Variants in FANCC observed in about 807,000 individuals in gnomAD.
FANCC encodes the protein FA complementation group C.
FANCC carries 55 observed loss-of-function variants against 71.3 expected under a neutral mutation model. The observed-to-expected ratio is 0.77, with a 90% CI of 0.62 to 0.97. The LOEUF (loss-of-function observed/expected upper bound fraction) is 0.97. Ranked by LOEUF, FANCC falls within the 50% of genes least tolerant of loss-of-function variation. The probability of loss-of-function intolerance (pLI) is 0.00; values close to 1 mark genes in which losing one functional copy is unlikely to be tolerated. For synonymous variants in FANCC, 275 were observed against 244.9 expected (o/e 1.12, Z -1.15); for missense variants, 678 against 670.9 (o/e 1.01, Z -0.12).
intron 1 of FANCC, among the ~76,000 whole-genome samples, chr9:95,263,924 G>C (rs1484821900): frequency 6.6e-6 from 1 of 152,114 alleles, no homozygotes; most frequent in African/African-American, 2.4e-5. Context: ...AGGTTTCTCA[G>C]TTTTCCTCAG....
At chr9:95,174,833 C>T (rs1212903706) in intron 4 of FANCC, among the ~76,000 whole-genome samples, 1 of 151,886 alleles carries the variant, frequency 6.6e-6, no homozygotes, top group Non-Finnish European at 1.5e-5. Context: ...GCTCCATAGA[C>T]CCGGGACGAC....
At chr9:95,162,026 G>C (rs1037009095) in intron 6 of FANCC, among the ~76,000 whole-genome samples, 22 of 152,068 alleles carry the variant, frequency 1.4e-4, no homozygotes, top group Admixed American at 9.8e-4. Context: ...ATTTTTAGTA[G>C]AGATGGAGTT....
chr9:95,154,459 G>A (rs1460282970), intron 6 of FANCC, among the ~76,000 whole-genome samples: 1 of 152,032 alleles, frequency 6.6e-6, no homozygotes, highest in Non-Finnish European at 1.5e-5. Context: ...CTGTGAATTT[G>A]TACAGAAATG....
intron 7 of FANCC, 28 bp from the exon 8 acceptor site, chr9:95,135,530 A>T: frequency 6.2e-7 from 1 of 1,607,304 alleles, no homozygotes; most frequent in Non-Finnish European, 8.5e-7. Flanking sequence ...ACAAAATTTT[A>T]AACAGAAATG....
chr9:95,197,116 A>T (rs1029465180), intron 4 of FANCC, among the ~76,000 whole-genome samples: 1 of 152,172 alleles, frequency 6.6e-6, no homozygotes, highest in Non-Finnish European at 1.5e-5. Flanking sequence ...TGAGTACCTG[A>T]TGAAAGTTGT....
intron 4 of FANCC, among the ~76,000 whole-genome samples, chr9:95,203,664 G>A (rs911966523): frequency 6.6e-6 from 1 of 151,908 alleles, no homozygotes; most frequent in African/African-American, 2.4e-5. Context: ...TATTTATCTA[G>A]TAATTAATAT....
Position 95,099,417 on chromosome 9 carries a change from G to C in FANCC, c.*2290C>G, listed in dbSNP as rs1459361547. The C allele has an allele frequency of 8.8e-6, 2 of 226,886 alleles. No homozygotes were observed. The highest frequency in any genetic ancestry group is 1.7e-5 in the Non-Finnish European group (2 of 114,882). 14.1% of individuals were successfully genotyped at this position (226,886 alleles called of 1,614,324 possible). ...GCCCAGGCCCCGCCAACGCCGTCAAGGCCCCCTCGGCCACGCCGCGTCCCC... is the reference window on the plus strand; with the variant it reads ...GCCCAGGCCCCGCCAACGCCGTCAACGCCCCCTCGGCCACGCCGCGTCCCC... On this transcript the variant is annotated 3_prime_UTR_variant, in exon 15 of 15. Coordinates refer to ENST00000289081, the MANE Select transcript of FANCC (RefSeq NM_000136.3).
At chr9:95,228,281 C>T (rs1007446259) in intron 4 of FANCC, among the ~76,000 whole-genome samples, 1 of 152,148 alleles carries the variant, frequency 6.6e-6, no homozygotes, top group Non-Finnish European at 1.5e-5. Context: ...TTGCCTCACA[C>T]CATTAATTTA....
intron 4 of FANCC, among the ~76,000 whole-genome samples, chr9:95,222,140 G>A (rs1243724615): frequency 7.7e-6 from 1 of 129,882 alleles, no homozygotes; most frequent in Non-Finnish European, 1.5e-5. Flanking sequence ...TCCAGCCTGA[G>A]CAGCAGAGCA....
At chr9:95,299,382 T>C (rs1231331514) in intron 1 of FANCC, among the ~76,000 whole-genome samples, 1 of 152,238 alleles carries the variant, frequency 6.6e-6, no homozygotes, top group Non-Finnish European at 1.5e-5. Flanking sequence ...GTGACTCTAT[T>C]GCTAGATACC....
intron 6 of FANCC, among the ~76,000 whole-genome samples, chr9:95,165,279 T>A (rs1831001364): frequency 6.6e-6 from 1 of 151,928 alleles, no homozygotes; most frequent in South Asian, 2.1e-4. Context: ...TATTAGTCTC[T>A]CCCTTTTAAC....
chr9:95,153,004 G>A (rs12378515), intron 6 of FANCC, among the ~76,000 whole-genome samples: 5 of 152,176 alleles, frequency 3.3e-5, no homozygotes, highest in Admixed American at 3.3e-4. Flanking sequence ...AGCATTCAAA[G>A]CTGTCCTGGG....
chr9:95,166,067 C>T (rs1469857540), intron 6 of FANCC, among the ~76,000 whole-genome samples: 1 of 151,868 alleles, frequency 6.6e-6, no homozygotes, highest in African/African-American at 2.4e-5. Context: ...ATGGCTATGC[C>T]TGCTCTATTT....
chr9:95,187,819 CCAA>C (rs1355409265), intron 4 of FANCC, among the ~76,000 whole-genome samples: 3 of 152,032 alleles, frequency 2.0e-5, no homozygotes, highest in Non-Finnish European at 2.9e-5. Flanking sequence ...TTCAAAATCT[CCAA>C]CAACAGGGTG....
chr9:95,276,962 T>C (rs1419563840), intron 1 of FANCC, among the ~76,000 whole-genome samples: 1 of 152,244 alleles, frequency 6.6e-6, no homozygotes, highest in African/African-American at 2.4e-5. Flanking sequence ...CATCATTCTA[T>C]TTATAACATT....
chr9:95,135,447 G>A lies in FANCC; in HGVS notation c.742C>T (p.Pro248Ser), dbSNP rs746679714. The A allele has an allele frequency of 5.0e-6, 8 of 1,614,046 alleles. No individual in the cohort carries two copies. The highest frequency in any genetic ancestry group is 6.8e-6 in the Non-Finnish European group (8 of 1,179,998). Residue 248 changes from proline to serine, a missense_variant, in exon 8 of 15, where the codon CCC (proline) becomes TCC (serine). Physicochemically the swap from Pro to Ser is moderately conservative, Grantham distance 74. Transcript: ENST00000289081. ...AVVCLWLRHL[P>S]SLEKAMLHLF... ...TGCAGCATTGCTTTTTCAAGGCTGG[G>A]AAGGTGCCGAAGCCAGAGGCAGACT...
chr9:95,107,756 G>A (rs1348880935), intron 13 of FANCC, among the ~76,000 whole-genome samples: 4 of 152,212 alleles, frequency 2.6e-5, no homozygotes, highest in South Asian at 4.2e-4. Flanking sequence ...ACACATGCAC[G>A]CACGTGTACA....
chr9:95,216,357 G>A (rs941945320), intron 4 of FANCC, among the ~76,000 whole-genome samples: 12 of 152,152 alleles, frequency 7.9e-5, no homozygotes, highest in Non-Finnish European at 1.8e-4. Flanking sequence ...AAAAATGACA[G>A]AATTGAAAAT....
chr9:95,265,401 T>C (rs1019603348), intron 1 of FANCC, among the ~76,000 whole-genome samples: 3 of 152,180 alleles, frequency 2.0e-5, no homozygotes, highest in Non-Finnish European at 4.4e-5. Flanking sequence ...TTCTCTGGAC[T>C]TGGCTTCAAA....
Sources: gnomAD v4.1 joint callset for allele counts (sites outside exome capture counted in the v4.1 genomes callset) on GRCh38, gnomAD v4.1.1 for gene constraint, MANE v1.5 for transcripts, NCBI Gene and HGNC (gene_info 2026-07-23, HGNC 2026-07-21) for gene names.